SORCS1: variants seen among roughly 807,000 people sequenced by gnomAD.
SORCS1 encodes the protein sortilin related VPS10 domain containing receptor 1, also known as VPS10 domain-containing receptor SorCS1.
In SORCS1, 60 loss-of-function variants were observed where a neutral mutation model predicts 146.1. That is an observed-to-expected ratio of 0.41 (90% CI 0.33 to 0.51). SORCS1 has a LOEUF of 0.51. SORCS1 is among the 20% of genes least tolerant of loss of function. SORCS1 has a pLI of 0.21. For synonymous variants in SORCS1, 637 were observed against 584.0 expected, an observed-to-expected ratio of 1.09 and a Z score of -1.31; for missense variants, 1,352 against 1,487.6, an observed-to-expected ratio of 0.91 and a Z score of 1.50.
chr10:106,748,468 C>T (rs1274810973), intron 5 of SORCS1, among the ~76,000 whole-genome samples: 1 of 151,964 alleles, frequency 6.6e-6, no homozygotes, highest in Non-Finnish European at 1.5e-5. Flanking sequence ...GCTCCACAGA[C>T]CAGCGATTCC....
intron 1 of SORCS1, among the ~76,000 whole-genome samples, chr10:106,999,127 A>C (rs2139588488): frequency 6.6e-6 from 1 of 152,254 alleles, no homozygotes; most frequent in East Asian, 1.9e-4. Context: ...AGATTTACGT[A>C]ATTCAGGTTT....
At chr10:106,651,171 T>C (rs921458261) in intron 18 of SORCS1, among the ~76,000 whole-genome samples, 26 of 152,180 alleles carry the variant, frequency 1.7e-4, no homozygotes, top group African/African-American at 5.8e-4. Flanking sequence ...ACCAGAGATA[T>C]GCACATCGTT....
intron 5 of SORCS1, among the ~76,000 whole-genome samples, chr10:106,760,613 A>G (rs1450626068): frequency 2.0e-5 from 3 of 151,980 alleles, no homozygotes; most frequent in African/African-American, 7.3e-5. Context: ...AACAACGAAG[A>G]ATAAATATCC....
chr10:106,883,787 C>A (rs1192378045), intron 2 of SORCS1, among the ~76,000 whole-genome samples: 1 of 152,196 alleles, frequency 6.6e-6, no homozygotes, highest in Non-Finnish European at 1.5e-5. Flanking sequence ...TTAAGCTTCT[C>A]TGACTCACCA....
intron 24 of SORCS1, among the ~76,000 whole-genome samples, chr10:106,581,186 C>T (rs1051482375): frequency 4.7e-4 from 71 of 152,270 alleles, no homozygotes; most frequent in African/African-American, 1.6e-3. Context: ...AATTGATTTT[C>T]ACAAATGGAA....
At chr10:107,096,843 C>A (rs866566798) in intron 1 of SORCS1, among the ~76,000 whole-genome samples, 2 of 152,124 alleles carry the variant, frequency 1.3e-5, no homozygotes, top group Non-Finnish European at 1.5e-5. Flanking sequence ...AAATTCCTAA[C>A]AAAACGGATC....
At chr10:107,150,634 AATCTC>A (rs1394533643) in intron 1 of SORCS1, among the ~76,000 whole-genome samples, 3 of 152,144 alleles carry the variant, frequency 2.0e-5, no homozygotes, top group Non-Finnish European at 4.4e-5. Context: ...TCTCCATCCA[AATCTC>A]ATCTTCAATT....
Position 106,591,867 on chromosome 10 carries a change from T to C in SORCS1, c.3265+5484A>G, listed in dbSNP as rs183321108. 1.5e-4 allele frequency among the ~76,000 whole-genome samples: 23 copies of C among 152,142 alleles called. No homozygotes were observed. In the East Asian group the frequency reaches 4.3e-3, roughly 28 times the overall value. On this transcript the variant is annotated intron_variant, in intron 24 of 25. Coordinates refer to ENST00000263054, the MANE Select transcript of SORCS1 (RefSeq NM_052918.5). ...TAAAGTACAGGTGGACAAGGAGAAA[T>C]AGGTGAAGAAGTGGGGAGAAATATT...
chr10:106,594,166 T>A (rs1026973834), intron 24 of SORCS1, among the ~76,000 whole-genome samples: 1 of 152,234 alleles, frequency 6.6e-6, no homozygotes. Flanking sequence ...AATTACCCAC[T>A]TTTTGATCTC....
At position 106,730,065 on chromosome 10, in the gene SORCS1, T is replaced by A; in HGVS notation, c.1009A>T (p.Arg337Ter). ...KEPDLVHLEA[R>*]TVDGHSHYLT... ...ATTTACTTACGACCATCCACAGTTC[T>A]GGCCTCAAGATGCACAAGGTCTGGT... Residue 337 changes from arginine (R) to a stop codon, truncating the protein, a stop_gained, in exon 6 of 26, where the codon AGA (arginine) becomes TGA (stop). Transcript: ENST00000263054. LOFTEE classifies it high-confidence loss of function. The A allele has an allele frequency of 6.2e-7, 1 of 1,614,176 alleles. No homozygotes were observed. Among genetic ancestry groups the A allele is most frequent in the Non-Finnish European group, 8.5e-7 (1 of 1,180,010 alleles).
At chr10:106,784,707 ATCT>A (rs758560912) in intron 3 of SORCS1, among the ~76,000 whole-genome samples, 1 of 152,228 alleles carries the variant, frequency 6.6e-6, no homozygotes, top group Non-Finnish European at 1.5e-5. Context: ...ACAGACATTC[ATCT>A]TCTTTGCTCA....
intron 1 of SORCS1, among the ~76,000 whole-genome samples, chr10:107,103,769 T>A (rs936193137): frequency 6.6e-6 from 1 of 152,170 alleles, no homozygotes; most frequent in African/African-American, 2.4e-5. Context: ...GAGAAGGGAA[T>A]CCCAATGAGG....
intron 12 of SORCS1, among the ~76,000 whole-genome samples, chr10:106,678,725 A>G (rs1564849138): frequency 6.6e-6 from 1 of 152,214 alleles, no homozygotes; most frequent in African/African-American, 2.4e-5. Context: ...GGTTTAAAGT[A>G]TTCCATTTCT....
intron 2 of SORCS1, among the ~76,000 whole-genome samples, chr10:106,858,447 G>A (rs537057458): frequency 6.6e-6 from 1 of 151,822 alleles, no homozygotes; most frequent in Non-Finnish European, 1.5e-5. Context: ...GGGAAACCCC[G>A]TCTCTACTAA....
chr10:106,884,445 T>A (rs1950921241), intron 2 of SORCS1, among the ~76,000 whole-genome samples: 1 of 152,182 alleles, frequency 6.6e-6, no homozygotes, highest in African/African-American at 2.4e-5. Context: ...TTTTTTTCTT[T>A]TAAATTTATG....
chr10:106,655,663 A>AT (rs1850230707), intron 17 of SORCS1, among the ~76,000 whole-genome samples: 1 of 152,128 alleles, frequency 6.6e-6, no homozygotes, highest in African/African-American at 2.4e-5. Flanking sequence ...GCTGTTGGTA[A>AT]TTTTTTTAAA....
intron 5 of SORCS1, among the ~76,000 whole-genome samples, chr10:106,733,247 G>A (rs1856738762): frequency 2.0e-5 from 3 of 151,966 alleles, no homozygotes; most frequent in African/African-American, 7.3e-5. Context: ...CTCATCTATA[G>A]TAAAACAATT....
chr10:106,910,304 T>TGTGC (rs1385422734), intron 2 of SORCS1, among the ~76,000 whole-genome samples: 1 of 132,822 alleles, frequency 7.5e-6, no homozygotes, highest in African/African-American at 3.4e-5. Flanking sequence ...TGTGTGTGTG[T>TGTGC]GTGTGTGTGT....
intron 24 of SORCS1, among the ~76,000 whole-genome samples, chr10:106,596,989 C>A (rs975129767): frequency 6.6e-6 from 1 of 152,026 alleles, no homozygotes; most frequent in African/African-American, 2.4e-5. Context: ...GTAGCTGGGA[C>A]TACAGGCATG....
Sources: gnomAD v4.1 joint callset for allele counts (sites outside exome capture counted in the v4.1 genomes callset) on GRCh38, gnomAD v4.1.1 for gene constraint, MANE v1.5 for transcripts, NCBI Gene and HGNC (gene_info 2026-07-23, HGNC 2026-07-21) for gene names.